The following THTPA variants were observed in gnomAD, a reference collection of about 807,000 sequenced individuals.
THTPA encodes the protein thiamine triphosphatase.
THTPA carries 16 observed loss-of-function variants against 16.5 expected under a neutral mutation model. That is an observed-to-expected ratio of 0.97 (90% confidence interval 0.66 to 1.47). THTPA has a LOEUF of 1.47. Among genes scored for constraint, THTPA ranks in the 40% most tolerant of loss-of-function variants. The pLI, the probability that THTPA is intolerant of heterozygous loss-of-function variation, is 0.00. For synonymous variants in THTPA, 110 were observed against 115.5 expected (o/e 0.95, Z 0.30); for missense variants, 281 against 280.9 (o/e 1.00, Z 0.00).
Position 23,558,880 on chromosome 14 carries a change from A to G in THTPA, c.*40A>G, listed in dbSNP as rs2139010918. The G allele has an allele frequency of 6.2e-7, 1 of 1,611,148 alleles. No individual in the cohort carries two copies. The highest frequency in any genetic ancestry group is 8.5e-7 in the Non-Finnish European group (1 of 1,178,486). ...AGAAGGGGAAGGGAACTCTGGGTCT[A>G]ACGGAGTCCACTCCTGGGCCCACTG... On this transcript the variant is annotated 3_prime_UTR_variant, in exon 2 of 2. Transcript: ENST00000288014.
At chr14:23,535,029 C>T in the THTPA span, 1 of 1,536,196 alleles carries the variant, frequency 6.5e-7, no homozygotes, top group South Asian at 1.2e-5. The surrounding 1 kb of genome is among the most constrained non-coding windows in gnomAD (Gnocchi z 4.5). Context: ...CTTCTTCCTC[C>T]TCCTGCTCCT....
the THTPA span, chr14:23,525,948 G>T: frequency 6.7e-7 from 1 of 1,496,040 alleles, no homozygotes; most frequent in Non-Finnish European, 8.9e-7. This position sits in a 1 kb window ranked among gnomAD's most constrained non-coding sequence, Gnocchi z 5.9. Context: ...AATCGGTGCA[G>T]GTCCAAGGGA....
In THTPA at chr14:23,556,671, G is replaced by A. The variant is rs2138982160; in HGVS notation, c.-87G>A. The A allele has an allele frequency of 2.1e-6, 3 of 1,436,498 alleles. No individual in the cohort carries two copies. Among genetic ancestry groups the A allele is most frequent in the Non-Finnish European group, 2.8e-6 (3 of 1,065,234 alleles). 89.0% of individuals were successfully genotyped at this position (1,436,498 alleles called of 1,614,324 possible). On this transcript the variant is annotated 5_prime_UTR_variant, in exon 1 of 2. Transcript: ENST00000288014. ...ATAAGTTTTTCCAGGGAGGGGTTCT[G>A]TACTGAGTTGACGCCCCAGGAGCTG...
At position 23,560,134 on chromosome 14, in the gene THTPA, C is replaced by T; in HGVS notation, c.*1294C>T. 1 of 1,445,568 alleles carries T rather than the reference C, an allele frequency of 6.9e-7. No homozygotes were observed. Among genetic ancestry groups the T allele is most frequent in the Non-Finnish European group, 9.5e-7 (1 of 1,049,560 alleles). The allele number at this position is 1,445,568 out of a possible 1,614,324, so 89.5% of individuals were successfully genotyped here. The stretch of plus-strand genomic sequence containing the variant: ...CTCCACACCCTTTTCCTGTAACTCC[C>T]CAAGTGCTGATCTCCAGATGACTCA... On this transcript the variant is annotated 3_prime_UTR_variant, in exon 2 of 2. Transcript: ENST00000288014.
chr14:23,551,082 C>T (rs1463274995), upstream of THTPA, among the ~76,000 whole-genome samples: 2 of 152,020 alleles, frequency 1.3e-5, no homozygotes, highest in African/African-American at 2.4e-5. The surrounding 1 kb of genome is among the most constrained non-coding windows in gnomAD (Gnocchi z 5.3). Flanking sequence ...CCTCCACCCC[C>T]GCATCTCTCT....
the THTPA span, chr14:23,522,426 G>A: frequency 6.5e-7 from 1 of 1,536,468 alleles, no homozygotes; most frequent in African/African-American, 1.4e-5. Context: ...GGCAGTTCAG[G>A]AGGCTTTGGA....
At chr14:23,529,208 G>A in the THTPA span, among the ~76,000 whole-genome samples, 1 of 152,186 alleles carries the variant, frequency 6.6e-6, no homozygotes, top group East Asian at 1.9e-4. Context: ...GAGTCCTGGG[G>A]ATTTAGAGAT....
chr14:23,519,792 CAG>C, the THTPA span, among the ~76,000 whole-genome samples: 2 of 152,132 alleles, frequency 1.3e-5, no homozygotes, highest in Non-Finnish European at 2.9e-5. Flanking sequence ...AACATGTTCA[CAG>C]AGTGATGTGA....
chr14:23,541,287 A>ATT, the THTPA span, among the ~76,000 whole-genome samples: 18 of 130,062 alleles, frequency 1.4e-4, no homozygotes, highest in African/African-American at 2.3e-4. Flanking sequence ...GATGGACAGG[A>ATT]TTTTTTTTTT....
the THTPA span, chr14:23,531,506 G>A: frequency 6.9e-7 from 1 of 1,445,008 alleles, no homozygotes; most frequent in Non-Finnish European, 9.2e-7. Flanking sequence ...GCCCGTGGCT[G>A]AAGCTCAGGA....
At chr14:23,526,369 A>C in the THTPA span, 1 of 1,536,318 alleles carries the variant, frequency 6.5e-7, no homozygotes, top group Non-Finnish European at 8.7e-7. Flanking sequence ...CAGTGCACTT[A>C]TAGGGCCGGG....
chr14:23,558,365 G>A (rs575573142), intron 1 of THTPA, among the ~76,000 whole-genome samples: 5 of 152,328 alleles, frequency 3.3e-5, no homozygotes, highest in African/African-American at 9.6e-5. Flanking sequence ...TCTTGATTGC[G>A]GAACAGGGTA....
At chr14:23,521,747 G>T in the THTPA span, 1 of 793,100 alleles carries the variant, frequency 1.3e-6, no homozygotes, top group Admixed American at 3.3e-5. Context: ...GAGCTGAGGA[G>T]GAGGATCAAT....
chr14:23,526,015 C>G, the THTPA span: 3 of 1,534,906 alleles, frequency 2.0e-6, no homozygotes, highest in Non-Finnish European at 2.6e-6. Context: ...TGTCAGGGCC[C>G]TTCTTCTCAG....
upstream of THTPA, among the ~76,000 whole-genome samples, chr14:23,552,230 T>C (rs1256390674): frequency 1.3e-5 from 2 of 151,958 alleles, no homozygotes; most frequent in African/African-American, 2.4e-5. Flanking sequence ...CTGAGCTGGG[T>C]TGGGGGAGGT....
chr14:23,525,163 G>A, the THTPA span: 27 of 1,536,016 alleles, frequency 1.8e-5, no homozygotes, highest in African/African-American at 2.7e-5. This position sits in a 1 kb window ranked among gnomAD's most constrained non-coding sequence, Gnocchi z 5.9. Flanking sequence ...ACCGGCGGCC[G>A]GCAGGCACCA....
chr14:23,531,288 C>A, the THTPA span: 1 of 786,680 alleles, frequency 1.3e-6, no homozygotes, highest in Non-Finnish European at 1.7e-6. Context: ...CTTTGCCCCT[C>A]CACTCAAGGT....
At chr14:23,520,104 A>G in the THTPA span, among the ~76,000 whole-genome samples, 1 of 152,140 alleles carries the variant, frequency 6.6e-6, no homozygotes, top group Admixed American at 6.5e-5. This position sits in a 1 kb window ranked among gnomAD's most constrained non-coding sequence, Gnocchi z 8.7. Flanking sequence ...GGGGTACAGA[A>G]CATTCTTCTA....
chr14:23,522,802 G>A, the THTPA span: 1 of 1,536,258 alleles, frequency 6.5e-7, no homozygotes, highest in South Asian at 1.2e-5. Context: ...CAGGGTCAGT[G>A]GTGCCTGCTG....
Sources: allele counts gnomAD v4.1 joint callset (sites outside exome capture counted in the v4.1 genomes callset), GRCh38; gene constraint gnomAD v4.1.1; non-coding constraint Gnocchi (gnomAD v3.1); transcripts MANE v1.5; gene names NCBI Gene and HGNC (gene_info 2026-07-23, HGNC 2026-07-21).